The following ABTB3 variants were observed in gnomAD, a reference collection of about 807,000 sequenced individuals.
ABTB3 encodes ankyrin repeat- and BTB/POZ domain-containing protein 3.
the ABTB3 span, among the ~76,000 whole-genome samples, chr12:107,469,958 T>TC: frequency 1.5e-5 from 1 of 68,556 alleles, no homozygotes; most frequent in African/African-American, 9.3e-5. Flanking sequence ...CTTTCTTTCT[T>TC]TCTTTCTTTC....
chr12:107,396,503 T>C, the ABTB3 span, among the ~76,000 whole-genome samples: 1 of 152,116 alleles, frequency 6.6e-6, no homozygotes, highest in African/African-American at 2.4e-5. Flanking sequence ...TGTGCTGATC[T>C]CTGGATTTGT....
chr12:107,491,222 G>T, the ABTB3 span, among the ~76,000 whole-genome samples: 1 of 152,140 alleles, frequency 6.6e-6, no homozygotes, highest in African/African-American at 2.4e-5. Context: ...CCTGAGCCTT[G>T]GCACCTCAGT....
At chr12:107,324,855 G>A in the ABTB3 span, among the ~76,000 whole-genome samples, 2 of 152,292 alleles carry the variant, frequency 1.3e-5, no homozygotes, top group East Asian at 1.9e-4. Context: ...AAGACCTTAC[G>A]CTTAGATCTA....
the ABTB3 span, among the ~76,000 whole-genome samples, chr12:107,493,202 C>G: frequency 6.6e-6 from 1 of 152,110 alleles, no homozygotes; most frequent in African/African-American, 2.4e-5. Flanking sequence ...AGGGTCCTTG[C>G]AGGGAAGCAT....
the ABTB3 span, among the ~76,000 whole-genome samples, chr12:107,484,894 G>T: frequency 6.6e-6 from 1 of 152,178 alleles, no homozygotes; most frequent in East Asian, 1.9e-4. Flanking sequence ...GGAAGAAGGT[G>T]TTAAAGGAAC....
chr12:107,369,654 C>T, the ABTB3 span, among the ~76,000 whole-genome samples: 1 of 149,938 alleles, frequency 6.7e-6, no homozygotes, highest in South Asian at 2.1e-4. Flanking sequence ...CCTCCTTGGC[C>T]TCCCAAAGTG....
At chr12:107,445,513 G>C in the ABTB3 span, among the ~76,000 whole-genome samples, 1 of 152,170 alleles carries the variant, frequency 6.6e-6, no homozygotes, top group Non-Finnish European at 1.5e-5. Flanking sequence ...TGCCCAGGGA[G>C]TGGGTGCCCA....
the ABTB3 span, among the ~76,000 whole-genome samples, chr12:107,438,835 G>A: frequency 6.6e-6 from 1 of 152,210 alleles, no homozygotes; most frequent in Non-Finnish European, 1.5e-5. Flanking sequence ...GGCTACAGCT[G>A]CTTGTCTCTT....
chr12:107,645,099 A>C, the ABTB3 span, among the ~76,000 whole-genome samples: 3 of 150,954 alleles, frequency 2.0e-5, no homozygotes, highest in African/African-American at 7.3e-5. Context: ...CAGCCTCCTG[A>C]GTAGCTAGGA....
the ABTB3 span, among the ~76,000 whole-genome samples, chr12:107,452,235 G>T: frequency 0.058 from 7,891 of 136,770 alleles, 715 homozygotes; most frequent in African/African-American, 0.2. Context: ...TTGAGACGGA[G>T]TCTCACTCTG....
At chr12:107,447,666 T>C in the ABTB3 span, among the ~76,000 whole-genome samples, 2 of 152,112 alleles carry the variant, frequency 1.3e-5, no homozygotes, top group African/African-American at 4.8e-5. Context: ...GCTGTATTAG[T>C]TTTTGCAATT....
the ABTB3 span, among the ~76,000 whole-genome samples, chr12:107,498,760 T>C: frequency 6.6e-6 from 1 of 152,102 alleles, no homozygotes; most frequent in South Asian, 2.1e-4. Context: ...GTCAGATGAT[T>C]AGCAGTCTTA....
the ABTB3 span, among the ~76,000 whole-genome samples, chr12:107,528,284 T>A: frequency 1.3e-5 from 2 of 152,222 alleles, no homozygotes; most frequent in African/African-American, 2.4e-5. Flanking sequence ...CCTTCTAATT[T>A]AAATTGCAAT....
chr12:107,415,214 G>A, the ABTB3 span, among the ~76,000 whole-genome samples: 1 of 151,998 alleles, frequency 6.6e-6, no homozygotes, highest in African/African-American at 2.4e-5. Flanking sequence ...GACCTTCCAT[G>A]GCCACTCCAC....
At chr12:107,482,094 G>C in the ABTB3 span, among the ~76,000 whole-genome samples, 1 of 152,016 alleles carries the variant, frequency 6.6e-6, no homozygotes, top group African/African-American at 2.4e-5. Context: ...AGTGGAGAGG[G>C]GTGGTCCTCC....
At chr12:107,655,612 A>G in the ABTB3 span, among the ~76,000 whole-genome samples, 1 of 152,264 alleles carries the variant, frequency 6.6e-6, no homozygotes, top group Non-Finnish European at 1.5e-5. Context: ...TTTAGATGCT[A>G]AGAGCCACGT....
chr12:107,451,337 T>C, the ABTB3 span, among the ~76,000 whole-genome samples: 1 of 152,206 alleles, frequency 6.6e-6, no homozygotes. Context: ...TGAATCTGTA[T>C]GGAGAATGTT....
At chr12:107,540,153 T>C in the ABTB3 span, among the ~76,000 whole-genome samples, 1 of 152,142 alleles carries the variant, frequency 6.6e-6, no homozygotes, top group African/African-American at 2.4e-5. Context: ...TATTTTCTTA[T>C]AGTTCTGGAG....
the ABTB3 span, among the ~76,000 whole-genome samples, chr12:107,648,878 T>A: frequency 6.9e-6 from 1 of 145,052 alleles, no homozygotes; most frequent in East Asian, 2.0e-4. Context: ...GTGATTATCA[T>A]GAGTAGATGG....
Sources: gnomAD v4.1 joint callset for allele counts (sites outside exome capture counted in the v4.1 genomes callset) on GRCh38, gnomAD v4.1.1 for gene constraint, MANE v1.5 for transcripts, NCBI Gene and HGNC (gene_info 2026-07-23, HGNC 2026-07-21) for gene names.